PMS2: variants seen among roughly 807,000 people sequenced by gnomAD.
The protein encoded by PMS2 is PMS1 homolog 2, mismatch repair system component, also known as mismatch repair endonuclease PMS2.
In PMS2, 69 loss-of-function variants were observed where a neutral mutation model predicts 90.0. The observed-to-expected ratio is 0.77, with a 90% CI of 0.63 to 0.94. PMS2 has a LOEUF of 0.94. Ranked by LOEUF, PMS2 falls within the 40% of genes least tolerant of loss-of-function variation. PMS2 has a pLI of 0.00. For synonymous variants in PMS2, 332 were observed against 375.1 expected (o/e 0.89, Z 1.33); for missense variants, 966 against 1,040.2 (o/e 0.93, Z 0.98).
At chr7:5,993,155 G>A (rs141437611) in intron 8 of PMS2, among the ~76,000 whole-genome samples, 31 of 152,088 alleles carry the variant, frequency 2.0e-4, no homozygotes, top group African/African-American at 6.7e-4. Context: ...TGGATTGCCT[G>A]AGCTCAGGAG....
rs187016677 is a variant in PMS2 at position 5,995,048 on chromosome 7, A to T, written c.903+486T>A. On this transcript the variant is annotated intron_variant, in intron 8 of 14. Coordinates refer to ENST00000265849, the MANE Select transcript of PMS2 (RefSeq NM_000535.7). ...AAGTAGTAGAAAAAAATATATATATATTTTTTTGAAACACAGTCTCGCTCT... is the reference window on the plus strand; with the variant it reads ...AAGTAGTAGAAAAAAATATATATATTTTTTTTTGAAACACAGTCTCGCTCT... Among the ~76,000 whole-genome samples, 330 of 151,946 alleles carry T rather than the reference A, an allele frequency of 2.2e-3. 1 individual carries two copies. The highest frequency in any genetic ancestry group is 0.011 in the East Asian group (56 of 5,172).
chr7:5,984,124 T>G (rs925814731), intron 11 of PMS2, among the ~76,000 whole-genome samples: 6 of 151,826 alleles, frequency 4.0e-5, no homozygotes, highest in African/African-American at 1.5e-4. Context: ...TGCATTTCCG[T>G]GAGACAGACG....
At chr7:5,976,511 G>T (rs1471360031) in intron 14 of PMS2, among the ~76,000 whole-genome samples, 2 of 152,186 alleles carry the variant, frequency 1.3e-5, no homozygotes, top group Admixed American at 1.3e-4. Flanking sequence ...TGGACATCAG[G>T]CTAATCCCCA....
rs1784905176 is a variant in PMS2, at chr7:5,999,876, T to C, written c.538-601A>G. Among the ~76,000 whole-genome samples the C allele has an allele frequency of 2.6e-5, 4 of 152,110 alleles. No homozygotes were observed. In the South Asian group the frequency reaches 8.3e-4, roughly 31 times the overall value. ...CCTTTTGAAATGTATCTTCGTATAA[T>C]AGAAACACTGGCACAAGCATTTTGG... On this transcript the variant is annotated intron_variant, in intron 5 of 14. Coordinates refer to ENST00000265849, the MANE Select transcript of PMS2 (RefSeq NM_000535.7).
In PMS2 at chr7:5,971,907, GT is replaced by G. The variant is rs1324152130; in HGVS notation, c.*1491del. 4.7e-5 allele frequency among the ~76,000 whole-genome samples: 1 copy of G among 21,270 alleles called. No individual in the cohort carries two copies. The highest frequency in any genetic ancestry group is 1.0e-4 in the Non-Finnish European group (1 of 9,598). 14.0% of individuals were successfully genotyped at this position (21,270 alleles called of 152,430 possible). On this transcript the variant is annotated 3_prime_UTR_variant, in exon 15 of 15. Coordinates refer to ENST00000265849, the MANE Select transcript of PMS2 (RefSeq NM_000535.7). Reference sequence around the variant, plus strand: ...TTAGCCAGTATGGTTCTGGACACCTGTAATCCCAGCTACTCGGGAGGCTGAG... The same window carrying G: ...TTAGCCAGTATGGTTCTGGACACCTGAATCCCAGCTACTCGGGAGGCTGAG...
At chr7:5,990,611 A>T (rs543637694) in intron 9 of PMS2, among the ~76,000 whole-genome samples, 2 of 152,346 alleles carry the variant, frequency 1.3e-5, no homozygotes, top group Non-Finnish European at 2.9e-5. Context: ...AGTACATTAT[A>T]GGTAGGTGTG....
chr7:6,002,672 G>T (rs1384214095), intron 4 of PMS2, 36 bp from the exon 5 acceptor site: 32 of 1,538,990 alleles, frequency 2.1e-5, no homozygotes, highest in Non-Finnish European at 2.7e-5. Flanking sequence ...TGTTCAGTGA[G>T]AGACCCATGA....
intron 14 of PMS2, 65 bp from the exon 15 acceptor site, chr7:5,973,607 A>G: frequency 2.7e-6 from 1 of 366,354 alleles, no homozygotes; most frequent in Non-Finnish European, 4.7e-6. Flanking sequence ...GCAGCTCTTC[A>G]GAAGCATTCT....
intron 4 of PMS2, 137 bp downstream of exon 4, chr7:6,003,553 G>A: frequency 3.1e-6 from 2 of 652,496 alleles, no homozygotes; most frequent in South Asian, 1.8e-5. Context: ...GACTTAGATT[G>A]GCAGCGAGAC....
At chr7:5,978,998 C>T (rs554699837) in intron 12 of PMS2, among the ~76,000 whole-genome samples, 3 of 148,418 alleles carry the variant, frequency 2.0e-5, no homozygotes, top group East Asian at 3.9e-4. Context: ...AGTTTGAGAC[C>T]GGCCTGGTCA....
At chr7:5,988,969 A>C (rs183240179) in intron 10 of PMS2, among the ~76,000 whole-genome samples, 1,773 of 152,036 alleles carry the variant, frequency 0.012, 22 homozygotes, top group Non-Finnish European at 0.02. Flanking sequence ...CATTCTCCTG[A>C]GTCAGCCTCC....
At chr7:5,989,493 T>C (rs1783473660) in intron 10 of PMS2, among the ~76,000 whole-genome samples, 2 of 151,940 alleles carry the variant, frequency 1.3e-5, no homozygotes, top group Admixed American at 6.6e-5. Context: ...CTTCTAATCA[T>C]ATATCTTATA....
chr7:5,999,636 T>TA (rs11370124), intron 5 of PMS2, among the ~76,000 whole-genome samples: 19,032 of 149,282 alleles, frequency 0.13, 1,270 homozygotes, highest in South Asian at 0.14. Context: ...ACAAAAAATT[T>TA]AAAAAAAAAA....
rs575513580 is a variant in PMS2 at position 5,978,795 on chromosome 7, A to T, written c.2175-99T>A. 3 of 1,284,202 alleles carry T rather than the reference A, an allele frequency of 2.3e-6. No homozygotes were observed. The African/African-American group carries it at 4.6e-5, about 20-fold the overall frequency. The allele number at this position is 1,284,202 out of a possible 1,614,324, so 79.6% of individuals were successfully genotyped here. On this transcript the variant is annotated intron_variant, in intron 12 of 14. Transcript: ENST00000265849. ...AACAACAATACTGTATTTTGAATTC[A>T]TGTCAAAATAACAACACAAATAACA...
At chr7:5,998,934 G>C (rs1784759118) in intron 6 of PMS2, among the ~76,000 whole-genome samples, 174 bp downstream of exon 6, 2 of 150,900 alleles carry the variant, frequency 1.3e-5, no homozygotes, top group African/African-American at 4.9e-5. Flanking sequence ...AGGTTGCAGT[G>C]AGCCAAGACA....
intron 4 of PMS2, among the ~76,000 whole-genome samples, chr7:6,002,873 G>A (rs774549634): frequency 1.3e-5 from 2 of 152,080 alleles, no homozygotes; most frequent in Non-Finnish European, 2.9e-5. Context: ...CTTTGATTTC[G>A]TTTTTCAGGT....
chr7:6,004,906 A>G (rs1785547008), intron 2 of PMS2, among the ~76,000 whole-genome samples: 1 of 151,886 alleles, frequency 6.6e-6, no homozygotes, highest in African/African-American at 2.4e-5. Flanking sequence ...TTATTTTATT[A>G]TTCTTTTCTT....
At chr7:6,006,614 T>C (rs182080887) in intron 1 of PMS2, among the ~76,000 whole-genome samples, 26 of 152,002 alleles carry the variant, frequency 1.7e-4, no homozygotes, top group Non-Finnish European at 2.5e-4. Flanking sequence ...GATTGCGGCA[T>C]TGCACTCCAG....
chr7:6,000,683 A>G (rs1784993180), intron 5 of PMS2, among the ~76,000 whole-genome samples: 2 of 152,106 alleles, frequency 1.3e-5, no homozygotes, highest in South Asian at 4.1e-4. Flanking sequence ...AAATTTGTGA[A>G]AAAATGTAAT....
Sources: allele counts gnomAD v4.1 joint callset (sites outside exome capture counted in the v4.1 genomes callset), GRCh38; gene constraint gnomAD v4.1.1; transcripts MANE v1.5; gene names NCBI Gene and HGNC (gene_info 2026-07-23, HGNC 2026-07-21).